The following KLHL7 variants were observed in gnomAD, a reference collection of about 807,000 sequenced individuals.
KLHL7 encodes the protein kelch-like protein 7.
In KLHL7, 44 loss-of-function variants were observed where a neutral mutation model predicts 67.4. The ratio of observed to expected loss-of-function variants is 0.65; its 90% CI spans 0.51 to 0.84. KLHL7 has a LOEUF of 0.84. KLHL7 is among the 40% of genes least tolerant of loss of function. The pLI is 0.00. For missense variants in KLHL7, 362 were observed against 718.1 expected (o/e 0.50, Z 5.67); for synonymous variants, 252 against 243.3 (o/e 1.04, Z -0.33).
At chr7:23,109,771 C>T (rs1403283530) in intron 1 of KLHL7, among the ~76,000 whole-genome samples, 1 of 152,190 alleles carries the variant, frequency 6.6e-6, no homozygotes, top group Non-Finnish European at 1.5e-5. Flanking sequence ...ATAACTGTTC[C>T]AGCCACTCTG....
chr7:23,124,987 C>A, intron 3 of KLHL7, 61 bp from the exon 4 acceptor site: 1 of 1,468,072 alleles, frequency 6.8e-7, no homozygotes, highest in Non-Finnish European at 9.5e-7. Flanking sequence ...ATACATTCCA[C>A]AGTAACATTT....
intron 7 of KLHL7, among the ~76,000 whole-genome samples, chr7:23,159,621 T>C (rs1784804818): frequency 6.6e-6 from 1 of 152,164 alleles, no homozygotes; most frequent in Non-Finnish European, 1.5e-5. Flanking sequence ...AGCCTCAACC[T>C]CCCAGGCTCA....
intron 6 of KLHL7, among the ~76,000 whole-genome samples, chr7:23,150,612 T>A (rs897024590): frequency 1.3e-5 from 2 of 152,160 alleles, no homozygotes; most frequent in Non-Finnish European, 2.9e-5. Context: ...CAGTGAACTT[T>A]AGATTGATAA....
At chr7:23,155,363 G>A (rs1248076845) in intron 7 of KLHL7, among the ~76,000 whole-genome samples, 1 of 151,976 alleles carries the variant, frequency 6.6e-6, no homozygotes, top group Non-Finnish European at 1.5e-5. Flanking sequence ...TGAAATGATA[G>A]TTTAAATTGT....
At chr7:23,160,075 C>T (rs1053608204) in intron 7 of KLHL7, among the ~76,000 whole-genome samples, 15 of 152,174 alleles carry the variant, frequency 9.9e-5, no homozygotes, top group Non-Finnish European at 2.1e-4. Flanking sequence ...TGGGACATCT[C>T]CTGTACTCTG....
chr7:23,141,012 T>G, intron 5 of KLHL7, 68 bp downstream of exon 5: 2 of 1,253,338 alleles, frequency 1.6e-6, no homozygotes, highest in Non-Finnish European at 2.3e-6. Flanking sequence ...AAACTCATGT[T>G]TGGACACATG....
At chr7:23,136,686 T>G (rs894279218) in intron 4 of KLHL7, among the ~76,000 whole-genome samples, 2 of 152,190 alleles carry the variant, frequency 1.3e-5, no homozygotes, top group African/African-American at 4.8e-5. Context: ...AAATTAACTA[T>G]GGAAGGACAG....
At chr7:23,125,872 C>G in intron 4 of KLHL7, 3 of 1,548,986 alleles carry the variant, frequency 1.9e-6, no homozygotes, top group East Asian at 4.9e-5. Context: ...AGTAGCCCAC[C>G]CTTATCTGCA....
chr7:23,152,558 T>C (rs1208592911), intron 7 of KLHL7, among the ~76,000 whole-genome samples: 1 of 152,176 alleles, frequency 6.6e-6, no homozygotes, highest in Non-Finnish European at 1.5e-5. Flanking sequence ...AATTTGTTTG[T>C]TTTTTTCCCC....
At chr7:23,107,577 T>G (rs1305803269) in intron 1 of KLHL7, among the ~76,000 whole-genome samples, 2 of 152,246 alleles carry the variant, frequency 1.3e-5, no homozygotes, top group Admixed American at 1.3e-4. Flanking sequence ...TCTGAGACTG[T>G]CCGTTTAGCT....
chr7:23,169,992 C>T (rs1785109078), intron 9 of KLHL7, among the ~76,000 whole-genome samples: 1 of 152,118 alleles, frequency 6.6e-6, no homozygotes, highest in African/African-American at 2.4e-5. Context: ...GGTGGATCGT[C>T]TAAGGTCAGG....
intron 1 of KLHL7, among the ~76,000 whole-genome samples, chr7:23,107,567 T>G (rs1217918140): frequency 1.3e-5 from 2 of 152,256 alleles, no homozygotes; most frequent in Non-Finnish European, 2.9e-5. Flanking sequence ...CAGAGGATTA[T>G]CTGAGACTGT....
chr7:23,122,004 A>G (rs1283483749), intron 1 of KLHL7, among the ~76,000 whole-genome samples: 1 of 152,160 alleles, frequency 6.6e-6, no homozygotes, highest in African/African-American at 2.4e-5. Context: ...ATTGGAAATT[A>G]TCAGTCTATT....
At position 23,124,743 on chromosome 7, in the gene KLHL7, T is replaced by G. The variant is rs1320317471; in HGVS notation, c.279T>G (p.Asp93Glu). The G allele has an allele frequency of 6.2e-7, 1 of 1,611,986 alleles. No homozygotes were observed. Among genetic ancestry groups the G allele is most frequent in the East Asian group, 2.2e-5 (1 of 44,864 alleles). Residue 93 changes from aspartate to glutamate, a missense_variant, in exon 3 of 11, where the codon GAT (aspartate) becomes GAG (glutamate). Asp to Glu is a conservative substitution (Grantham distance 45). Around this residue, in one of 5 missense-constraint regions of KLHL7, gnomAD observed 155 missense variants for 280.8 expected, o/e 0.55. Transcript: ENST00000339077. ...FEVELKDAEP[D>E]IIEQLVEFAY... ...TAGAACTCAAAGATGCTGAACCTGA[T>G]ATTATTGAACAACTGGTGGAATTTG... is the stretch of plus-strand genomic sequence containing the variant.
chr7:23,106,389 C>A lies in KLHL7; in HGVS notation c.120+243C>A. On this transcript the variant is annotated intron_variant, in intron 1 of 10. Transcript: ENST00000339077. ...TCCCAAGTCAGACTCCTGGGGGACT[C>A]CTCAGGCTGGCTTTCGCCGTCGGGT... The A allele has an allele frequency of 2.2e-6, 3 of 1,349,708 alleles. No homozygotes were observed. The South Asian group carries it at 4.6e-5, about 21-fold the overall frequency. 83.6% of individuals were successfully genotyped at this position (1,349,708 alleles called of 1,614,324 possible). A position where few individuals can be genotyped will look rare whatever the true frequency, so the allele number is the denominator to read the frequency against.
chr7:23,173,181 G>T, intron 10 of KLHL7, 136 bp downstream of exon 10: 1 of 646,692 alleles, frequency 1.5e-6, no homozygotes. Flanking sequence ...TAGTTTCTGG[G>T]AATTAACATA....
chr7:23,116,531 A>G (rs974391772), intron 1 of KLHL7, among the ~76,000 whole-genome samples: 1 of 152,200 alleles, frequency 6.6e-6, no homozygotes, highest in African/African-American at 2.4e-5. Flanking sequence ...TTTCCTTTCT[A>G]CATCAGGTAG....
At chr7:23,136,880 A>G (rs1377949011) in intron 4 of KLHL7, among the ~76,000 whole-genome samples, 1 of 152,254 alleles carries the variant, frequency 6.6e-6, no homozygotes, top group East Asian at 1.9e-4. Context: ...TGGTAGCCTT[A>G]AATTTTTTTC....
At chr7:23,135,985 T>C (rs904416498) in intron 4 of KLHL7, among the ~76,000 whole-genome samples, 6 of 152,152 alleles carry the variant, frequency 3.9e-5, no homozygotes, top group African/African-American at 1.4e-4. Flanking sequence ...TTAGCAAATG[T>C]GAAGTTAGCA....
Sources: allele counts gnomAD v4.1 joint callset (sites outside exome capture counted in the v4.1 genomes callset), GRCh38; gene constraint gnomAD v4.1.1; regional missense constraint gnomAD v4.1.1; transcripts MANE v1.5; gene names NCBI Gene and HGNC (gene_info 2026-07-23, HGNC 2026-07-21).